SLC25A28: variants seen among roughly 807,000 people sequenced by gnomAD.
SLC25A28 encodes mitoferrin-2.
SLC25A28 carries 10 observed loss-of-function variants against 31.9 expected under a neutral mutation model. The ratio of observed to expected loss-of-function variants is 0.31; its 90% CI spans 0.19 to 0.53. SLC25A28 has a LOEUF of 0.53. Among genes scored for constraint, SLC25A28 ranks in the 20% least tolerant of loss-of-function variants. The pLI is 0.95. For synonymous variants in SLC25A28, 208 were observed against 203.6 expected (o/e 1.02, Z -0.19); for missense variants, 256 against 490.3 (o/e 0.52, Z 4.51).
At chr10:99,628,466 A>G in the SLC25A28 span, among the ~76,000 whole-genome samples, 2 of 152,214 alleles carry the variant, frequency 1.3e-5, no homozygotes, top group African/African-American at 2.4e-5. Context: ...AAACGTTTTC[A>G]TTTTCCTTTG....
the SLC25A28 span, among the ~76,000 whole-genome samples, chr10:99,645,532 C>T: frequency 6.6e-6 from 1 of 151,914 alleles, no homozygotes; most frequent in African/African-American, 2.4e-5. Context: ...TTGTTATTAC[C>T]GATCGTCCAA....
At chr10:99,627,355 G>A in the SLC25A28 span, among the ~76,000 whole-genome samples, 1 of 152,020 alleles carries the variant, frequency 6.6e-6, no homozygotes, top group Non-Finnish European at 1.5e-5. Context: ...ATGGAGAATG[G>A]GGTATCCATC....
chr10:99,657,243 A>T, the SLC25A28 span, among the ~76,000 whole-genome samples: 1 of 152,234 alleles, frequency 6.6e-6, no homozygotes, highest in Non-Finnish European at 1.5e-5. Flanking sequence ...TTTGAAATAT[A>T]TATGTATAGA....
chr10:99,642,453 T>G, the SLC25A28 span, among the ~76,000 whole-genome samples: 1 of 152,200 alleles, frequency 6.6e-6, no homozygotes, highest in Non-Finnish European at 1.5e-5. Context: ...CTTATCAGCT[T>G]AAGGAGGTTT....
At chr10:99,640,062 T>C in the SLC25A28 span, among the ~76,000 whole-genome samples, 1 of 152,212 alleles carries the variant, frequency 6.6e-6, no homozygotes, top group Non-Finnish European at 1.5e-5. Flanking sequence ...TATACAACAA[T>C]GGTAACTGAC....
At chr10:99,646,109 GT>G in the SLC25A28 span, among the ~76,000 whole-genome samples, 1 of 152,354 alleles carries the variant, frequency 6.6e-6, no homozygotes, top group East Asian at 1.9e-4. Context: ...GGACGTTTAA[GT>G]CTGTAGAAGT....
the SLC25A28 span, among the ~76,000 whole-genome samples, chr10:99,643,895 C>T: frequency 4.6e-5 from 7 of 152,184 alleles, no homozygotes; most frequent in African/African-American, 1.7e-4. Flanking sequence ...TTTCTAAATC[C>T]TGAGTTCTAG....
upstream of SLC25A28, among the ~76,000 whole-genome samples, chr10:99,625,419 C>T (rs1196672978): frequency 6.6e-6 from 1 of 152,032 alleles, no homozygotes; most frequent in African/African-American, 2.4e-5. Flanking sequence ...AGACACAGAG[C>T]GCAGATTGTT....
At chr10:99,643,887 T>A in the SLC25A28 span, among the ~76,000 whole-genome samples, 4 of 152,250 alleles carry the variant, frequency 2.6e-5, no homozygotes, top group African/African-American at 4.8e-5. Context: ...TGAGTGAGTT[T>A]CTAAATCCTG....
At chr10:99,614,415 T>C (rs1482269816) in intron 1 of SLC25A28, among the ~76,000 whole-genome samples, 2 of 152,154 alleles carry the variant, frequency 1.3e-5, no homozygotes, top group African/African-American at 4.8e-5. Context: ...TATCTGGCAA[T>C]GGTGGCTGGG....
the SLC25A28 span, among the ~76,000 whole-genome samples, chr10:99,627,470 C>A: frequency 6.8e-6 from 1 of 146,924 alleles, no homozygotes; most frequent in Non-Finnish European, 1.5e-5. Context: ...AGACAAGATA[C>A]TGCTCCGTCA....
upstream of SLC25A28, chr10:99,622,713 T>C (rs538793967): frequency 1.0e-6 from 1 of 985,464 alleles, no homozygotes. Context: ...GCCATTGAAG[T>C]GGAACATCCC....
the SLC25A28 span, among the ~76,000 whole-genome samples, chr10:99,627,087 A>C: frequency 6.6e-6 from 1 of 152,124 alleles, no homozygotes. Context: ...CTAAAAATGC[A>C]AAAATTAGCC....
At chr10:99,630,700 G>A in the SLC25A28 span, among the ~76,000 whole-genome samples, 1 of 152,140 alleles carries the variant, frequency 6.6e-6, no homozygotes. Flanking sequence ...GGCCTTAAAC[G>A]AAGTCCTAGG....
rs1179481594 is a variant in SLC25A28 at position 99,611,437 on chromosome 10, G to C, written c.578-71C>G. On this transcript the variant is annotated intron_variant, in intron 3 of 3. Transcript: ENST00000370495. The surrounding 1 kb of genome is among the most constrained non-coding windows in gnomAD (Gnocchi z 5.5). ...CGGTGATGGAGAGTATCCAGATTCA[G>C]AGCCCCAAGTCAGCAGATCAGCCAA... 7 of 1,564,476 alleles carry C rather than the reference G, an allele frequency of 4.5e-6. 1 individual carries two copies. In the South Asian group the frequency reaches 8.2e-5, roughly 18 times the overall value.
the SLC25A28 span, among the ~76,000 whole-genome samples, chr10:99,646,300 G>A: frequency 2.0e-5 from 3 of 152,344 alleles, no homozygotes; most frequent in Non-Finnish European, 1.5e-5. Context: ...CTTGCAGTTC[G>A]ATCTCAGACT....
At chr10:99,612,625 A>G (rs758982887) in intron 2 of SLC25A28, 26 bp from the exon 3 acceptor site, 2 of 1,614,096 alleles carry the variant, frequency 1.2e-6, no homozygotes, top group South Asian at 1.1e-5. Flanking sequence ...CAACTGCCAC[A>G]TGTAAGGCCA....
intron 3 of SLC25A28, 70 bp downstream of exon 3, chr10:99,612,473 C>G: frequency 6.4e-7 from 1 of 1,559,498 alleles, no homozygotes; most frequent in East Asian, 2.2e-5. Context: ...AACTGATGTG[C>G]TTTCTTCTGC....
At position 99,611,343 on chromosome 10, in the gene SLC25A28, AC is replaced by A. The variant is rs1406691535; in HGVS notation, c.600del (p.Met200IlefsTer9). 6.2e-7 allele frequency: 1 copy of A among 1,614,052 alleles called. No individual in the cohort carries two copies. The highest frequency in any genetic ancestry group is 8.5e-7 in the Non-Finnish European group (1 of 1,180,014). The part of the protein sequence containing the change: ...PAEVVKQRMQ[M>X]YNSPYHRVTD... The stretch of plus-strand genomic sequence containing the variant: ...GTCACCCGGTGGTATGGTGAGTTGT[AC>A]ATCTGCATCCTCTGCTTGACCACTA... On this transcript the variant is annotated frameshift_variant, in exon 4 of 4. Coordinates refer to ENST00000370495, the MANE Select transcript of SLC25A28 (RefSeq NM_031212.4). LOFTEE classifies it high-confidence loss of function. The surrounding 1 kb of genome is among the most constrained non-coding windows in gnomAD (Gnocchi z 5.5).
Sources: allele counts gnomAD v4.1 joint callset (sites outside exome capture counted in the v4.1 genomes callset), GRCh38; gene constraint gnomAD v4.1.1; non-coding constraint Gnocchi (gnomAD v3.1); transcripts MANE v1.5; gene names NCBI Gene and HGNC (gene_info 2026-07-23, HGNC 2026-07-21).